ELP4: variants seen among roughly 807,000 people sequenced by gnomAD.
The protein encoded by ELP4 is elongator complex protein 4.
In ELP4, 51 loss-of-function variants were observed where a neutral mutation model predicts 48.9. That is an observed-to-expected ratio of 1.04 (90% CI 0.83 to 1.32). The LOEUF (loss-of-function observed/expected upper bound fraction) is 1.32. Among genes scored for constraint, ELP4 ranks in the 40% most tolerant of loss-of-function variants. The pLI is 0.00. For synonymous variants in ELP4, 210 were observed against 189.2 expected, an observed-to-expected ratio of 1.11 and a Z score of -0.90; for missense variants, 519 against 514.6, an observed-to-expected ratio of 1.01 and a Z score of -0.08.
intron 9 of ELP4, among the ~76,000 whole-genome samples, chr11:31,705,813 T>G (rs1285354033): frequency 6.6e-6 from 1 of 151,972 alleles, no homozygotes; most frequent in African/African-American, 2.4e-5. Flanking sequence ...TTCAGACTGA[T>G]ATATTTCTAT....
chr11:31,620,870 T>C lies in ELP4; in HGVS notation c.654-6240T>C, dbSNP rs568910324. Among the ~76,000 whole-genome samples, 190 of 152,066 alleles carry C rather than the reference T, an allele frequency of 1.2e-3. 1 individual carries two copies. Among genetic ancestry groups the C allele is most frequent in the African/African-American group, 4.0e-3 (166 of 41,536 alleles). On this transcript the variant is annotated intron_variant, in intron 5 of 9. Transcript: ENST00000640961. ...AGAGGTTTCTGCTGGTCATTGTTCT[T>C]CTTGGTGCCCTTAATACATTCCTAC...
intron 5 of ELP4, among the ~76,000 whole-genome samples, chr11:31,609,747 T>G (rs941842823): frequency 2.0e-5 from 3 of 151,972 alleles, no homozygotes; most frequent in African/African-American, 7.3e-5. Context: ...AATATAAGAT[T>G]AAAGATTACA....
intron 7 of ELP4, among the ~76,000 whole-genome samples, chr11:31,641,419 T>TA (rs1187026369): frequency 6.6e-6 from 1 of 151,918 alleles, no homozygotes; most frequent in Non-Finnish European, 1.5e-5. Context: ...CCTTATATTA[T>TA]AAAAGCAATG....
intron 4 of ELP4, chr11:31,599,520 C>CA (rs1313379182): frequency 5.6e-4 from 10 of 17,846 alleles, no homozygotes; most frequent in African/African-American, 9.2e-4. Context: ...CACACACACA[C>CA]ACAAAAAAAA....
intron 3 of ELP4, among the ~76,000 whole-genome samples, chr11:31,594,032 G>C (rs1957631653): frequency 6.6e-6 from 1 of 152,130 alleles, no homozygotes; most frequent in African/African-American, 2.4e-5. Flanking sequence ...TTATCTTTAT[G>C]ATTCTAATAG....
At chr11:31,527,329 A>T (rs1956311183) in intron 2 of ELP4, among the ~76,000 whole-genome samples, 1 of 152,088 alleles carries the variant, frequency 6.6e-6, no homozygotes, top group Non-Finnish European at 1.5e-5. Flanking sequence ...ATAATCAGTA[A>T]TCTCCAGACA....
At chr11:31,721,049 A>C (rs1390852909) in intron 9 of ELP4, among the ~76,000 whole-genome samples, 1 of 152,210 alleles carries the variant, frequency 6.6e-6, no homozygotes, top group African/African-American at 2.4e-5. Flanking sequence ...TTCTTATTTG[A>C]AACTTGGCAG....
Position 31,787,825 on chromosome 11 carries a change from A to G in ELP4, c.*4301A>G, listed in dbSNP as rs370447209. On this transcript the variant is annotated 3_prime_UTR_variant, in exon 10 of 10. Coordinates refer to ENST00000640961, the MANE Select transcript of ELP4 (RefSeq NM_019040.5). Reference sequence around the variant, plus strand: ...TCACAAGTAATTCCTTAACTAAAAAACAGTAGATATTGAACGAGAAGGTCA... The same window carrying G: ...TCACAAGTAATTCCTTAACTAAAAAGCAGTAGATATTGAACGAGAAGGTCA... 1 of 225,642 alleles carries G rather than the reference A, an allele frequency of 4.4e-6. No individual in the cohort carries two copies. Among genetic ancestry groups the G allele is most frequent in the Non-Finnish European group, 8.8e-6 (1 of 113,280 alleles). The allele number at this position is 225,642 out of a possible 1,614,324, so 14.0% of individuals were successfully genotyped here.
chr11:31,789,823 G>T lies in ELP4; in HGVS notation c.*6299G>T. The T allele has an allele frequency of 1.1e-6, 1 of 937,152 alleles. No homozygotes were observed. Among genetic ancestry groups the T allele is most frequent in the Non-Finnish European group, 1.7e-6 (1 of 588,282 alleles). The allele number at this position is 937,152 out of a possible 1,614,324, so 58.1% of individuals were successfully genotyped here. A position where few individuals can be genotyped will look rare whatever the true frequency, so the allele number is the denominator to read the frequency against. ...CAGGACACAATTGTAGAACTGAAGC[G>T]GCTCTAACAGCCATTTTTCTTTCTT... On this transcript the variant is annotated 3_prime_UTR_variant, in exon 10 of 10. Coordinates refer to ENST00000640961, the MANE Select transcript of ELP4 (RefSeq NM_019040.5).
intron 9 of ELP4, among the ~76,000 whole-genome samples, chr11:31,728,136 C>T (rs1947114185): frequency 2.0e-5 from 3 of 152,024 alleles, no homozygotes; most frequent in Admixed American, 1.3e-4. Flanking sequence ...AAGCTATTTG[C>T]TTTATATCAT....
At chr11:31,678,691 C>T (rs1422744410) in intron 9 of ELP4, among the ~76,000 whole-genome samples, 1 of 152,024 alleles carries the variant, frequency 6.6e-6, no homozygotes, top group Non-Finnish European at 1.5e-5. Context: ...CAAGTTTTGG[C>T]AATTATGAAG....
intron 9 of ELP4, 66 bp from the exon 10 acceptor site, chr11:31,783,327 C>A: frequency 6.7e-7 from 1 of 1,490,890 alleles, no homozygotes; most frequent in Non-Finnish European, 9.2e-7. Context: ...AGTATGCTAG[C>A]CAAAGCAAAA....
chr11:31,632,590 T>G, intron 7 of ELP4, 185 bp downstream of exon 7: 1 of 448,574 alleles, frequency 2.2e-6, no homozygotes, highest in Non-Finnish European at 3.9e-6. Context: ...ATTATCAATT[T>G]GTAAAGTTCC....
At chr11:31,684,264 T>C (rs2134127690) in intron 9 of ELP4, among the ~76,000 whole-genome samples, 1 of 151,188 alleles carries the variant, frequency 6.6e-6, no homozygotes, top group South Asian at 2.1e-4. Context: ...TGGAGTGCAG[T>C]GGATCAATCT....
At position 31,527,691 on chromosome 11, in the gene ELP4, C is replaced by G. The variant is rs576353015; in HGVS notation, c.259+7600C>G. Reference sequence around the variant, plus strand: ...GCCATAATCAATAACCTCACTGAAACTGGCATAACAGGTATTTCCCTTGCC... The same window carrying G: ...GCCATAATCAATAACCTCACTGAAAGTGGCATAACAGGTATTTCCCTTGCC... On this transcript the variant is annotated intron_variant, in intron 2 of 9. Transcript: ENST00000640961. Among the ~76,000 whole-genome samples, 5 of 152,212 alleles carry G rather than the reference C, an allele frequency of 3.3e-5. No individual in the cohort carries two copies. In the South Asian group the frequency reaches 1.0e-3, roughly 32 times the overall value.
At position 31,787,035 on chromosome 11, in the gene ELP4, C is replaced by T. The variant is rs1010575444; in HGVS notation, c.*3511C>T. The T allele has an allele frequency of 1.4e-5, 1 of 73,998 alleles. No individual in the cohort carries two copies. Among genetic ancestry groups the T allele is most frequent in the Non-Finnish European group, 2.4e-5 (1 of 42,144 alleles). 4.6% of individuals were successfully genotyped at this position (73,998 alleles called of 1,614,324 possible). A position where few individuals can be genotyped will look rare whatever the true frequency, so the allele number is the denominator to read the frequency against. ...TATGTATCGTTAAATAAATAATAAACAAAAATTATTTCAACAATGAGTAAA... is the reference window on the plus strand; with the variant it reads ...TATGTATCGTTAAATAAATAATAAATAAAAATTATTTCAACAATGAGTAAA... On this transcript the variant is annotated 3_prime_UTR_variant, in exon 10 of 10. Coordinates refer to ENST00000640961, the MANE Select transcript of ELP4 (RefSeq NM_019040.5).
At chr11:31,614,000 C>A (rs1305411202) in intron 5 of ELP4, among the ~76,000 whole-genome samples, 1 of 151,962 alleles carries the variant, frequency 6.6e-6, no homozygotes, top group Non-Finnish European at 1.5e-5. Flanking sequence ...CATGAGCCAC[C>A]GTGCCTGGCC....
At chr11:31,665,089 G>C (rs1945643316) in intron 9 of ELP4, among the ~76,000 whole-genome samples, 1 of 152,082 alleles carries the variant, frequency 6.6e-6, no homozygotes, top group South Asian at 2.1e-4. Context: ...GTTCATTTGA[G>C]TTCAAGATTT....
chr11:31,642,890 C>T (rs965091662), intron 7 of ELP4, among the ~76,000 whole-genome samples: 1 of 151,718 alleles, frequency 6.6e-6, no homozygotes, highest in African/African-American at 2.4e-5. Flanking sequence ...TATTATTTCA[C>T]AGTCTTGATT....
Sources: gnomAD v4.1 joint callset for allele counts (sites outside exome capture counted in the v4.1 genomes callset) on GRCh38, gnomAD v4.1.1 for gene constraint, MANE v1.5 for transcripts, NCBI Gene and HGNC (gene_info 2026-07-23, HGNC 2026-07-21) for gene names.